Variants in ZSWIM2 observed in about 807,000 individuals in gnomAD.
The protein encoded by ZSWIM2 is E3 ubiquitin-protein ligase ZSWIM2.
A neutral mutation model predicts 48.4 loss-of-function variants in ZSWIM2; 38 were observed. That is an observed-to-expected ratio of 0.79 (90% confidence interval 0.61 to 1.03). The LOEUF (loss-of-function observed/expected upper bound fraction) is 1.03. Ranked by LOEUF, ZSWIM2 falls within the 50% of genes least tolerant of loss-of-function variation. ZSWIM2 has a pLI of 0.00. For missense variants in ZSWIM2, 776 were observed against 730.2 expected (o/e 1.06, Z -0.72); for synonymous variants, 240 against 251.3 (o/e 0.96, Z 0.42).
intron 2 of ZSWIM2, among the ~76,000 whole-genome samples, chr2:186,846,933 GT>G (rs1399686491): frequency 2.0e-5 from 3 of 151,694 alleles, no homozygotes. Flanking sequence ...GAAATAGAAA[GT>G]CAAATACTGC....
At chr2:186,834,452 C>A (rs1194953455) in intron 5 of ZSWIM2, among the ~76,000 whole-genome samples, 1 of 152,090 alleles carries the variant, frequency 6.6e-6, no homozygotes, top group African/African-American at 2.4e-5. Context: ...GAGCAAATCT[C>A]CTCCTTCTGT....
chr2:186,832,574 C>G (rs1251265503), intron 7 of ZSWIM2, among the ~76,000 whole-genome samples: 1 of 151,780 alleles, frequency 6.6e-6, no homozygotes, highest in Non-Finnish European at 1.5e-5. Flanking sequence ...GGGAATGAAG[C>G]AAAAAAGACT....
chr2:186,844,689 CA>C (rs779580943), intron 3 of ZSWIM2, 27 bp downstream of exon 3: 46 of 1,312,046 alleles, frequency 3.5e-5, no homozygotes, highest in South Asian at 1.2e-4. Context: ...AAAAAAAAAA[CA>C]CAAAAAACCC....
Position 186,828,184 on chromosome 2 carries a change from T to C in ZSWIM2, c.1702A>G (p.Lys568Glu), listed in dbSNP as rs767844191. The C allele has an allele frequency of 1.2e-6, 2 of 1,613,610 alleles. No homozygotes were observed. Among genetic ancestry groups the C allele is most frequent in the South Asian group, 2.2e-5 (2 of 91,064 alleles). Reference sequence around the variant, plus strand: ...TCCTCTGGAAGTAAAGTTGATCTCTTGTTGTCCTCTCTTATTTTAGTGGCA... The same window carrying C: ...TCCTCTGGAAGTAAAGTTGATCTCTCGTTGTCCTCTCTTATTTTAGTGGCA... ...TPATKIREDN[K>E]RSTLLPEDFN... Residue 568 changes from lysine (K) to glutamate (E), a missense_variant, in exon 9 of 9, where the codon AAG becomes GAG. Physicochemically the swap from Lys to Glu is moderately conservative, Grantham distance 56 (BLOSUM62 1). Coordinates refer to ENST00000295131, the MANE Select transcript of ZSWIM2 (RefSeq NM_182521.3).
chr2:186,832,689 C>T (rs747505799), intron 7 of ZSWIM2, among the ~76,000 whole-genome samples: 1 of 150,704 alleles, frequency 6.6e-6, no homozygotes, highest in Non-Finnish European at 1.5e-5. Flanking sequence ...ACATTTATGT[C>T]GATGATTATT....
intron 3 of ZSWIM2, 128 bp downstream of exon 3, chr2:186,844,589 T>C: frequency 1.1e-6 from 1 of 877,788 alleles, no homozygotes; most frequent in South Asian, 1.9e-5. Flanking sequence ...GAGCTACTGA[T>C]AGTTACGATT....
intron 4 of ZSWIM2, 75 bp downstream of exon 4, chr2:186,838,884 T>C: frequency 7.3e-7 from 1 of 1,373,144 alleles, no homozygotes; most frequent in Non-Finnish European, 9.9e-7. Flanking sequence ...CTATCATGTC[T>C]CCTAAGGTAA....
chr2:186,839,497 C>T (rs1324421094), intron 3 of ZSWIM2, among the ~76,000 whole-genome samples: 17 of 151,602 alleles, frequency 1.1e-4, no homozygotes, highest in Non-Finnish European at 2.4e-4. Context: ...AGTCCATAAA[C>T]AAATATTTTG....
rs1301266578 is a variant in ZSWIM2 at position 186,848,959 on chromosome 2, T to C, written c.165+7A>G. The C allele has an allele frequency of 1.2e-6, 2 of 1,613,624 alleles. No homozygotes were observed. The highest frequency in any genetic ancestry group is 8.5e-7 in the Non-Finnish European group (1 of 1,179,824). Reference sequence around the variant, plus strand: ...GGCCAACTGGGGGCGGTAGGGGCGGTAGTTACTCGGAAATCCATGTATTCC... The same window carrying C: ...GGCCAACTGGGGGCGGTAGGGGCGGCAGTTACTCGGAAATCCATGTATTCC... On this transcript the variant is annotated splice_region_variant and intron_variant, in intron 1 of 8. Coordinates refer to ENST00000295131, the MANE Select transcript of ZSWIM2 (RefSeq NM_182521.3).
intron 3 of ZSWIM2, among the ~76,000 whole-genome samples, chr2:186,843,895 T>A (rs189743287): frequency 1.3e-5 from 2 of 151,854 alleles, no homozygotes; most frequent in African/African-American, 4.8e-5. Flanking sequence ...GTATAATTTT[T>A]AAAATATGTT....
At chr2:186,844,832 A>G (rs185434937) in intron 2 of ZSWIM2, 75 bp from the exon 3 acceptor site, 1 of 1,248,708 alleles carries the variant, frequency 8.0e-7, no homozygotes, top group African/African-American at 1.6e-5. Context: ...AAAAATATTT[A>G]GAATAGAAAT....
chr2:186,848,710 G>A, intron 1 of ZSWIM2: 1 of 424,746 alleles, frequency 2.4e-6, no homozygotes, highest in Non-Finnish European at 4.4e-6. Flanking sequence ...CAAGCCTAAA[G>A]ATCAAGAGCC....
chr2:186,834,584 A>G (rs1691761416), intron 5 of ZSWIM2, among the ~76,000 whole-genome samples: 1 of 152,142 alleles, frequency 6.6e-6, no homozygotes, highest in African/African-American at 2.4e-5. Flanking sequence ...GAGGTGGAAC[A>G]GTCTCATCCT....
rs1313414563 is a variant in ZSWIM2, at chr2:186,847,824, G to A, written c.166-29C>T. The A allele has an allele frequency of 4.5e-6, 7 of 1,552,020 alleles. No homozygotes were observed. The African/African-American group carries it at 8.2e-5, about 18-fold the overall frequency. On this transcript the variant is annotated intron_variant, in intron 1 of 8. Coordinates refer to ENST00000295131, the MANE Select transcript of ZSWIM2 (RefSeq NM_182521.3). ...TAAAGGAAAAATGCATACTTAAAAA[G>A]ACCAGTAAAATTTGAGAGTTAGAGC...
intron 7 of ZSWIM2, among the ~76,000 whole-genome samples, chr2:186,830,297 C>T (rs1301640088): frequency 6.6e-6 from 1 of 151,920 alleles, no homozygotes; most frequent in Admixed American, 6.6e-5. Context: ...CAGGAGTATC[C>T]CTTGGACCCA....
chr2:186,829,153 TAAC>T (rs1691651963), intron 8 of ZSWIM2, among the ~76,000 whole-genome samples: 1 of 152,204 alleles, frequency 6.6e-6, no homozygotes, highest in African/African-American at 2.4e-5. Flanking sequence ...AAATATAAAA[TAAC>T]AAATTAAGTT....
intron 3 of ZSWIM2, 31 bp from the exon 4 acceptor site, chr2:186,839,200 A>C (rs1320293002): frequency 6.2e-6 from 10 of 1,601,952 alleles, no homozygotes; most frequent in Non-Finnish European, 7.7e-6. Context: ...ATTAAAATCC[A>C]GTCATAAAAT....
rs147735155 is a variant in ZSWIM2, at chr2:186,839,029, C to A, written c.424G>T (p.Asp142Tyr). Residue 142 changes from aspartate to tyrosine, a missense_variant, in exon 4 of 9, where the codon GAT becomes TAT. Asp to Tyr is a radical substitution (Grantham distance 160, BLOSUM62 -3). Coordinates refer to ENST00000295131, the MANE Select transcript of ZSWIM2 (RefSeq NM_182521.3). Reference sequence around the variant, plus strand: ...CAAATAGAGCAGATATCCTCTGAATCAATTTCCTTCTGTTTAATGTACCCA... The same window carrying A: ...CAAATAGAGCAGATATCCTCTGAATAAATTTCCTTCTGTTTAATGTACCCA... ...EDGYIKQKEI[D>Y]SEDICSICQE... 5.0e-6 allele frequency: 8 copies of A among 1,611,384 alleles called. No homozygotes were observed. The African/African-American group carries it at 9.4e-5, about 19-fold the overall frequency.
At chr2:186,847,835 T>A in intron 1 of ZSWIM2, 40 bp from the exon 2 acceptor site, 4 of 1,498,106 alleles carry the variant, frequency 2.7e-6, no homozygotes, top group African/African-American at 1.4e-5. Flanking sequence ...ACCAGTAAAA[T>A]TTGAGAGTTA....
Sources: allele counts gnomAD v4.1 joint callset (sites outside exome capture counted in the v4.1 genomes callset), GRCh38; gene constraint gnomAD v4.1.1; transcripts MANE v1.5; gene names NCBI Gene and HGNC (gene_info 2026-07-23, HGNC 2026-07-21).